Variants in SOX5 observed in about 807,000 individuals in gnomAD.
SOX5 encodes SRY-box transcription factor 5, also known as transcription factor SOX-5.
Under a neutral mutation model 92.0 loss-of-function variants are expected in SOX5, and 9 were observed. The ratio of observed to expected loss-of-function variants is 0.10; its 90% CI spans 0.06 to 0.17. SOX5 has a LOEUF of 0.17. Among genes scored for constraint, SOX5 ranks in the 10% least tolerant of loss-of-function variants. SOX5 has a pLI of 1.00. For synonymous variants in SOX5, 344 were observed against 336.3 expected (o/e 1.02, Z -0.25); for missense variants, 642 against 944.5 (o/e 0.68, Z 4.20).
At position 24,499,163 on chromosome 12, in the gene SOX5, G is replaced by A. The variant is rs141330577; in HGVS notation, c.-251+63166C>T. Among the ~76,000 whole-genome samples, 205 of 152,262 alleles carry A rather than the reference G, an allele frequency of 1.3e-3. 1 individual carries two copies. The highest frequency in any genetic ancestry group is 4.7e-3 in the African/African-American group (196 of 41,550). The stretch of plus-strand genomic sequence containing the variant: ...TTTAAATTGTATTTGCTTGCTCATC[G>A]TCTGTTCCCTTATCCTCAGTCAGAG... On this transcript the variant is annotated intron_variant, in intron 1 of 4. Coordinates refer to the SOX5 transcript ENST00000446891.
intron 4 of SOX5, among the ~76,000 whole-genome samples, chr12:24,187,125 T>C (rs974489101): frequency 6.6e-6 from 1 of 152,186 alleles, no homozygotes; most frequent in African/African-American, 2.4e-5. Context: ...TCCCATCTCA[T>C]GGATATTCTA....
At chr12:23,807,726 C>T (rs1010149194) in intron 3 of SOX5, among the ~76,000 whole-genome samples, 13 of 151,232 alleles carry the variant, frequency 8.6e-5, no homozygotes, top group Admixed American at 4.6e-4. Flanking sequence ...CTGCAGCCTC[C>T]GCCTCCTGGG....
intron 4 of SOX5, among the ~76,000 whole-genome samples, chr12:24,145,365 T>A (rs1167901788): frequency 6.6e-6 from 1 of 152,182 alleles, no homozygotes; most frequent in African/African-American, 2.4e-5. Flanking sequence ...ATGTTAATGG[T>A]CTAAATTACC....
chr12:23,704,246 C>T (rs1336799499), intron 6 of SOX5, among the ~76,000 whole-genome samples: 1 of 151,718 alleles, frequency 6.6e-6, no homozygotes, highest in Non-Finnish European at 1.5e-5. Flanking sequence ...ATTATCTATG[C>T]TCACAAGTTC....
intron 1 of SOX5, among the ~76,000 whole-genome samples, chr12:23,918,429 A>G (rs752568441): frequency 3.3e-5 from 5 of 152,228 alleles, no homozygotes; most frequent in African/African-American, 4.8e-5. Flanking sequence ...AAAATACCTG[A>G]AGCTAGCAAT....
chr12:23,681,556 A>G (rs2086632584), intron 6 of SOX5, among the ~76,000 whole-genome samples: 1 of 151,784 alleles, frequency 6.6e-6, no homozygotes, highest in African/African-American at 2.4e-5. Context: ...AACATCTATC[A>G]GGCAAATATT....
intron 7 of SOX5, among the ~76,000 whole-genome samples, chr12:23,650,295 T>G (rs1009073999): frequency 6.6e-6 from 1 of 152,132 alleles, no homozygotes; most frequent in Non-Finnish European, 1.5e-5. Context: ...AGATGGCCAC[T>G]ATCAATACCA....
chr12:23,649,152 T>C lies in SOX5; in HGVS notation c.932-8255A>G, dbSNP rs144313522. Among the ~76,000 whole-genome samples, 76 of 152,170 alleles carry C rather than the reference T, an allele frequency of 5.0e-4. No individual in the cohort carries two copies. In the East Asian group the frequency reaches 0.014, roughly 28 times the overall value. On this transcript the variant is annotated intron_variant, in intron 7 of 14. Coordinates refer to ENST00000451604, the MANE Select transcript of SOX5 (RefSeq NM_006940.6). ...TCCAATGCAGCCATTTAACTCTCAA[T>C]TTAAAAAATTCAAAATATATTACAT... is the stretch of plus-strand genomic sequence containing the variant.
intron 2 of SOX5, among the ~76,000 whole-genome samples, chr12:24,299,933 C>T (rs482071): frequency 0.1 from 15,950 of 152,108 alleles, 1,105 homozygotes; most frequent in Non-Finnish European, 0.14. Flanking sequence ...GCCACAACAA[C>T]CCTTCATTTT....
chr12:24,443,490 T>A (rs899811459), intron 1 of SOX5, among the ~76,000 whole-genome samples: 2 of 152,232 alleles, frequency 1.3e-5, no homozygotes, highest in Non-Finnish European at 2.9e-5. Context: ...GATTCTGTCA[T>A]ATCTTGCAGA....
chr12:24,316,081 T>C (rs1271207835), intron 2 of SOX5, among the ~76,000 whole-genome samples: 1 of 152,246 alleles, frequency 6.6e-6, no homozygotes, highest in African/African-American at 2.4e-5. Context: ...GACAGTCACC[T>C]GTGTCACTTG....
chr12:24,370,687 G>C (rs1956650885), intron 1 of SOX5, among the ~76,000 whole-genome samples: 1 of 152,110 alleles, frequency 6.6e-6, no homozygotes, highest in African/African-American at 2.4e-5. Flanking sequence ...AGCTACTCGG[G>C]AGGCTGAGGT....
At chr12:23,619,481 T>C (rs1478277378) in intron 8 of SOX5, among the ~76,000 whole-genome samples, 2 of 152,142 alleles carry the variant, frequency 1.3e-5, no homozygotes, top group African/African-American at 4.8e-5. Flanking sequence ...GGAATCCAAA[T>C]CTTTTTGACT....
intron 6 of SOX5, among the ~76,000 whole-genome samples, chr12:23,716,843 A>G (rs577593651): frequency 6.6e-6 from 1 of 152,316 alleles, no homozygotes; most frequent in South Asian, 2.1e-4. Context: ...CTGTTTCTAA[A>G]TCCCACAATC....
At chr12:24,244,239 G>T (rs1159801045) in intron 3 of SOX5, among the ~76,000 whole-genome samples, 1 of 151,990 alleles carries the variant, frequency 6.6e-6, no homozygotes, top group African/African-American at 2.4e-5. Flanking sequence ...CAACATCCAC[G>T]GGCGATCGGC....
At chr12:23,740,831 C>G (rs779836086) in intron 5 of SOX5, 36 bp downstream of exon 5, 4 of 1,562,772 alleles carry the variant, frequency 2.6e-6, no homozygotes, top group Non-Finnish European at 3.5e-6. Flanking sequence ...AAAGTAATGT[C>G]TGAGGAATAT....
At chr12:24,175,651 A>G (rs1593939202) in intron 4 of SOX5, among the ~76,000 whole-genome samples, 1 of 152,134 alleles carries the variant, frequency 6.6e-6, no homozygotes, top group African/African-American at 2.4e-5. Flanking sequence ...AGATCTATAT[A>G]CCTCTATCCA....
chr12:24,211,311 A>G (rs1673490501), intron 4 of SOX5, among the ~76,000 whole-genome samples: 1 of 152,094 alleles, frequency 6.6e-6, no homozygotes, highest in Non-Finnish European at 1.5e-5. Flanking sequence ...TCTTCTTAGT[A>G]CTTATCCCCA....
chr12:23,905,152 C>G (rs2097278588), intron 1 of SOX5, among the ~76,000 whole-genome samples: 1 of 152,130 alleles, frequency 6.6e-6, no homozygotes, highest in Non-Finnish European at 1.5e-5. Context: ...CTAAAGTGAG[C>G]AGGAAAACTA....
Sources: allele counts gnomAD v4.1 joint callset (sites outside exome capture counted in the v4.1 genomes callset), GRCh38; gene constraint gnomAD v4.1.1; transcripts MANE v1.5; gene names NCBI Gene and HGNC (gene_info 2026-07-23, HGNC 2026-07-21).